C16orf74: variants seen among roughly 807,000 people sequenced by gnomAD.
C16orf74 encodes uncharacterized protein C16orf74.
A neutral mutation model predicts 6.5 loss-of-function variants in C16orf74; 10 were observed. The ratio of observed to expected loss-of-function variants is 1.54; its 90% CI spans 0.95 to 2.61. C16orf74 has a LOEUF of 2.61. Ranked by LOEUF, C16orf74 falls within the 30% of genes most tolerant of loss-of-function variation. The pLI, the probability that C16orf74 is intolerant of heterozygous loss-of-function variation, is 0.00. For synonymous variants in C16orf74, 60 were observed against 42.5 expected (o/e 1.41, Z -1.60); for missense variants, 141 against 105.9 (o/e 1.33, Z -1.45).
chr16:85,729,002 T>C (rs1304018704), intron 2 of C16orf74, among the ~76,000 whole-genome samples: 2 of 152,140 alleles, frequency 1.3e-5, no homozygotes, highest in Admixed American at 1.3e-4. Context: ...GGTTCCTAAG[T>C]GATGCCTATA....
At chr16:85,722,737 C>T (rs539709853) in intron 2 of C16orf74, among the ~76,000 whole-genome samples, 2 of 151,938 alleles carry the variant, frequency 1.3e-5, no homozygotes, top group South Asian at 2.1e-4. Context: ...TCACTGCTGA[C>T]GGGAAAGCCC....
chr16:85,717,809 C>A (rs769977151), intron 2 of C16orf74, among the ~76,000 whole-genome samples: 104 of 152,224 alleles, frequency 6.8e-4, no homozygotes, highest in Non-Finnish European at 1.1e-3. Context: ...GGGAGCAGGG[C>A]TGGGGCTTGA....
chr16:85,735,183 GC>G lies in C16orf74; in HGVS notation c.28+6del, dbSNP rs756085777. On this transcript the variant is annotated splice_donor_region_variant and intron_variant, in intron 2 of 3. Transcript: ENST00000284245. ...AGAGCTGGTGGGGGCAGAGCTTCAGGCCTTACCTTTCAGGCAGGACATCTTA... is the reference window on the plus strand; with the variant it reads ...AGAGCTGGTGGGGGCAGAGCTTCAGGCTTACCTTTCAGGCAGGACATCTTA... 3 of 1,604,434 alleles carry G rather than the reference GC, an allele frequency of 1.9e-6. No homozygotes were observed. The highest frequency in any genetic ancestry group is 2.6e-6 in the Non-Finnish European group (3 of 1,175,174).
intron 2 of C16orf74, among the ~76,000 whole-genome samples, chr16:85,727,391 C>G (rs939707957): frequency 2.0e-5 from 3 of 152,168 alleles, no homozygotes; most frequent in Non-Finnish European, 4.4e-5. Flanking sequence ...CCCACAAAAA[C>G]GAGGAGTGTC....
chr16:85,716,724 G>C (rs530276684), intron 2 of C16orf74, among the ~76,000 whole-genome samples: 10 of 151,542 alleles, frequency 6.6e-5, no homozygotes, highest in Non-Finnish European at 1.5e-4. Context: ...GGGGAGGGCA[G>C]GCAGGGAGGA....
chr16:85,735,862 G>A lies in C16orf74; in HGVS notation c.-18-627C>T, dbSNP rs150715296. Reference sequence around the variant, plus strand: ...TTGAAAAATAGAAGCAGCAGCCAGTGGTGCGGGGCCCCTGCATGCTCTTGA... The same window carrying A: ...TTGAAAAATAGAAGCAGCAGCCAGTAGTGCGGGGCCCCTGCATGCTCTTGA... On this transcript the variant is annotated intron_variant, in intron 1 of 3. Coordinates refer to ENST00000284245, the MANE Select transcript of C16orf74 (RefSeq NM_206967.3). Among the ~76,000 whole-genome samples the A allele has an allele frequency of 4.2e-4, 64 of 152,256 alleles. No individual in the cohort carries two copies. The East Asian group carries it at 6.8e-3, about 16-fold the overall frequency.
chr16:85,710,363 TCAGTGGCCGCCGGGAACCGCGGGCGC>T, intron 2 of C16orf74, 56 bp from the exon 3 acceptor site: 1 of 1,423,786 alleles, frequency 7.0e-7, no homozygotes, highest in South Asian at 1.5e-5. Context: ...GAGACAGGCA[TCAGTGGCCGCCGGGAACCGCGGGCGC>T]CACCCTCCCT....
At chr16:85,750,085 G>T (rs1463983706) in intron 1 of C16orf74, among the ~76,000 whole-genome samples, 1 of 152,208 alleles carries the variant, frequency 6.6e-6, no homozygotes, top group African/African-American at 2.4e-5. Context: ...GTGACTCAGG[G>T]TATCCCTCTC....
chr16:85,746,039 G>T (rs1567814743), intron 1 of C16orf74, among the ~76,000 whole-genome samples: 1 of 152,184 alleles, frequency 6.6e-6, no homozygotes. Context: ...ACTATTCATT[G>T]TTTATCTGCA....
chr16:85,733,397 G>A (rs1389211602), intron 2 of C16orf74, among the ~76,000 whole-genome samples: 1 of 152,140 alleles, frequency 6.6e-6, no homozygotes, highest in Non-Finnish European at 1.5e-5. Flanking sequence ...GGCTGGGGAG[G>A]GAACGGGGAG....
chr16:85,726,910 C>A (rs888001066), intron 2 of C16orf74, among the ~76,000 whole-genome samples: 1 of 152,186 alleles, frequency 6.6e-6, no homozygotes, highest in African/African-American at 2.4e-5. Flanking sequence ...AACAGCCACC[C>A]CTTCCCCGCT....
chr16:85,733,215 C>G (rs2054209064), intron 2 of C16orf74, among the ~76,000 whole-genome samples: 1 of 152,254 alleles, frequency 6.6e-6, no homozygotes, highest in Admixed American at 6.5e-5. Flanking sequence ...GAATATTATT[C>G]AGCCGTGAAA....
chr16:85,744,307 C>CAAGG, intron 1 of C16orf74: 1 of 148,304 alleles, frequency 6.7e-6, no homozygotes, highest in Admixed American at 6.7e-5. Context: ...AGATTTAAGG[C>CAAGG]AAGGATACCC....
chr16:85,717,665 G>C (rs1019017287), intron 2 of C16orf74, among the ~76,000 whole-genome samples: 9 of 152,218 alleles, frequency 5.9e-5, no homozygotes, highest in Admixed American at 1.3e-4. Flanking sequence ...TCTGGGCTGA[G>C]CCTGCCATTT....
At chr16:85,739,307 G>A (rs394623) in intron 1 of C16orf74, among the ~76,000 whole-genome samples, 1 of 151,982 alleles carries the variant, frequency 6.6e-6, no homozygotes, top group African/African-American at 2.4e-5. Flanking sequence ...CAAAGTACTC[G>A]GATTTTATCA....
chr16:85,724,514 T>A (rs1312251920), intron 2 of C16orf74, among the ~76,000 whole-genome samples: 1 of 151,930 alleles, frequency 6.6e-6, no homozygotes. Context: ...GTATCTACAG[T>A]GGGGACAGTG....
chr16:85,727,158 C>A (rs2054142350), intron 2 of C16orf74, among the ~76,000 whole-genome samples: 1 of 152,256 alleles, frequency 6.6e-6, no homozygotes, highest in Non-Finnish European at 1.5e-5. Flanking sequence ...AGGGAACAAT[C>A]TCTCACGCAA....
intron 2 of C16orf74, among the ~76,000 whole-genome samples, chr16:85,734,693 T>C (rs1005491554): frequency 6.6e-6 from 1 of 152,176 alleles, no homozygotes; most frequent in African/African-American, 2.4e-5. Context: ...CCCAGGGCCA[T>C]CCACACACAG....
chr16:85,731,243 T>A (rs1393489459), intron 2 of C16orf74, among the ~76,000 whole-genome samples: 1 of 152,192 alleles, frequency 6.6e-6, no homozygotes, highest in Non-Finnish European at 1.5e-5. Flanking sequence ...CACTGTGTAA[T>A]TTGTGGGGCT....
Sources: gnomAD v4.1 joint callset for allele counts (sites outside exome capture counted in the v4.1 genomes callset) on GRCh38, gnomAD v4.1.1 for gene constraint, MANE v1.5 for transcripts, NCBI Gene and HGNC (gene_info 2026-07-23, HGNC 2026-07-21) for gene names.